Variants in ATRNL1 observed in about 807,000 individuals in gnomAD.
ATRNL1 encodes attractin like 1.
A neutral mutation model predicts 182.7 loss-of-function variants in ATRNL1; 95 were observed. The observed-to-expected ratio is 0.52, with a 90% CI of 0.44 to 0.62. The LOEUF (loss-of-function observed/expected upper bound fraction) is 0.62, where lower values mean the gene tolerates loss of function less well. Among genes scored for constraint, ATRNL1 ranks in the 20% least tolerant of loss-of-function variants. The probability of loss-of-function intolerance (pLI) is 0.00; values close to 1 mark genes in which losing one functional copy is unlikely to be tolerated. For missense variants in ATRNL1, 1,471 were observed against 1,679.5 expected, an observed-to-expected ratio of 0.88 and a Z score of 2.17; for synonymous variants, 576 against 568.3, an observed-to-expected ratio of 1.01 and a Z score of -0.19.
At chr10:115,364,509 A>G (rs1856920608) in intron 19 of ATRNL1, among the ~76,000 whole-genome samples, 1 of 147,424 alleles carries the variant, frequency 6.8e-6, no homozygotes, top group African/African-American at 2.5e-5. Flanking sequence ...AATACCCTTT[A>G]TTTCCTTCTC....
At chr10:115,396,087 G>T (rs999623283) in intron 20 of ATRNL1, among the ~76,000 whole-genome samples, 2 of 151,792 alleles carry the variant, frequency 1.3e-5, no homozygotes, top group Non-Finnish European at 2.9e-5. Context: ...TTGTTGCAGA[G>T]TTATCCTAAA....
chr10:115,161,094 ATTGT>A (rs1246159352), intron 6 of ATRNL1, among the ~76,000 whole-genome samples: 2 of 151,944 alleles, frequency 1.3e-5, no homozygotes, highest in South Asian at 2.1e-4. Flanking sequence ...TTAACAAAAA[ATTGT>A]TTGTTGTTTA....
At chr10:115,686,317 G>T (rs1189402037) in intron 26 of ATRNL1, among the ~76,000 whole-genome samples, 1 of 151,944 alleles carries the variant, frequency 6.6e-6, no homozygotes, top group Non-Finnish European at 1.5e-5. Context: ...TACAGCAAAA[G>T]ACTCTGCTTC....
At chr10:115,095,178 C>G (rs1030829901) in intron 1 of ATRNL1, among the ~76,000 whole-genome samples, 2 of 152,076 alleles carry the variant, frequency 1.3e-5, no homozygotes, top group Non-Finnish European at 2.9e-5. Flanking sequence ...CTTCTAGATA[C>G]TTAATATGAA....
intron 9 of ATRNL1, among the ~76,000 whole-genome samples, chr10:115,229,918 G>A (rs1330749134): frequency 6.6e-6 from 1 of 152,068 alleles, no homozygotes; most frequent in Non-Finnish European, 1.5e-5. Flanking sequence ...TGAATTCCCT[G>A]CCTACCTGTG....
At chr10:115,306,505 G>A (rs1156757489) in intron 17 of ATRNL1, among the ~76,000 whole-genome samples, 1 of 151,888 alleles carries the variant, frequency 6.6e-6, no homozygotes, top group East Asian at 1.9e-4. Flanking sequence ...GATTGATGTG[G>A]ATCTTTAAAA....
chr10:115,859,216 G>A lies in ATRNL1; in HGVS notation c.4018+11225G>A, dbSNP rs557788442. Among the ~76,000 whole-genome samples the A allele has an allele frequency of 1.9e-4, 29 of 152,100 alleles. No homozygotes were observed. In the South Asian group the frequency reaches 5.6e-3, roughly 29 times the overall value. On this transcript the variant is annotated intron_variant, in intron 28 of 28. Transcript: ENST00000355044. Reference sequence around the variant, plus strand: ...CTTCAATGTATGAATTTGGTAGAAGGTGGGGCACAAACATTCAGGCCATAG... The same window carrying A: ...CTTCAATGTATGAATTTGGTAGAAGATGGGGCACAAACATTCAGGCCATAG...
chr10:115,248,088 G>A lies in ATRNL1; in HGVS notation c.1687+6363G>A, dbSNP rs542242038. On this transcript the variant is annotated intron_variant, in intron 10 of 28. Transcript: ENST00000355044. ...AATACAAAATTACAGCTAGATAGGA[G>A]GAATACATTGTAGTGTTCTATACCA... Among the ~76,000 whole-genome samples, 53 of 152,226 alleles carry A rather than the reference G, an allele frequency of 3.5e-4. No homozygotes were observed. The South Asian group carries it at 5.6e-3, about 16-fold the overall frequency.
Position 115,850,285 on chromosome 10 carries a change from A to G in ATRNL1, c.4018+2294A>G, listed in dbSNP as rs1046637297. Among the ~76,000 whole-genome samples the G allele has an allele frequency of 4.6e-5, 7 of 152,336 alleles. No homozygotes were observed. The South Asian group carries it at 1.4e-3, about 32-fold the overall frequency. On this transcript the variant is annotated intron_variant, in intron 28 of 28. Transcript: ENST00000355044. ...ATATGTTTAAATATTTAATAATGAAATGTTGGGAAACAATAAAACAAAATG... is the reference window on the plus strand; with the variant it reads ...ATATGTTTAAATATTTAATAATGAAGTGTTGGGAAACAATAAAACAAAATG...
At chr10:115,499,606 A>G (rs1554979483) in intron 24 of ATRNL1, among the ~76,000 whole-genome samples, 1 of 152,200 alleles carries the variant, frequency 6.6e-6, no homozygotes, top group Non-Finnish European at 1.5e-5. Flanking sequence ...ACATTGATTC[A>G]GTCTGGAAAG....
chr10:115,621,276 TAGAGAGAGAG>T (rs1157745862), intron 26 of ATRNL1, among the ~76,000 whole-genome samples: 3 of 47,592 alleles, frequency 6.3e-5, no homozygotes, highest in African/African-American at 2.2e-4. Context: ...TATATATATA[TAGAGAGAGAG>T]AGAGAGAGAG....
intron 14 of ATRNL1, among the ~76,000 whole-genome samples, chr10:115,283,307 G>A (rs144392403): frequency 0.012 from 1,781 of 151,994 alleles, 34 homozygotes; most frequent in African/African-American, 0.04. Context: ...TCAGCTACTC[G>A]GGAGGCTGAG....
chr10:115,640,167 G>A (rs550228082), intron 26 of ATRNL1, among the ~76,000 whole-genome samples: 1 of 152,212 alleles, frequency 6.6e-6, no homozygotes, highest in East Asian at 1.9e-4. Flanking sequence ...TCTTTATCCA[G>A]TCTATCACTG....
At chr10:115,279,819 G>A (rs1852276272) in intron 13 of ATRNL1, among the ~76,000 whole-genome samples, 1 of 152,114 alleles carries the variant, frequency 6.6e-6, no homozygotes. Flanking sequence ...CAGTATTACT[G>A]TTAAAATCCC....
At chr10:115,537,744 T>C (rs1852120295) in intron 25 of ATRNL1, among the ~76,000 whole-genome samples, 1 of 152,184 alleles carries the variant, frequency 6.6e-6, no homozygotes, top group South Asian at 2.1e-4. Context: ...AAAATTTCTG[T>C]GCAGTAAAAT....
chr10:115,514,978 C>A (rs549559109), intron 24 of ATRNL1, among the ~76,000 whole-genome samples: 4 of 151,814 alleles, frequency 2.6e-5, no homozygotes, highest in Non-Finnish European at 5.9e-5. Context: ...ATTATGAGAC[C>A]AGTCCTGGAA....
intron 24 of ATRNL1, among the ~76,000 whole-genome samples, chr10:115,504,633 A>C (rs1298209246): frequency 1.3e-5 from 2 of 152,102 alleles, no homozygotes; most frequent in Non-Finnish European, 2.9e-5. Context: ...AAATACAAAG[A>C]ATGTATGCTG....
intron 26 of ATRNL1, among the ~76,000 whole-genome samples, chr10:115,563,296 A>G (rs1853868384): frequency 6.6e-6 from 1 of 152,204 alleles, no homozygotes. Context: ...TTTGCAGGTG[A>G]TAATGCTACC....
At position 115,837,466 on chromosome 10, in the gene ATRNL1, C is replaced by CCACA. The variant is rs71010052; in HGVS notation, c.3904-10353_3904-10350dup. Reference sequence around the variant, plus strand: ...CTAGTAAGCAAAGAGGCTTCCCAAGCCACACACACACACACACACACACAC... The same window carrying CCACA: ...CTAGTAAGCAAAGAGGCTTCCCAAGCCACACACACACACACACACACACACACAC... On this transcript the variant is annotated intron_variant, in intron 27 of 28. Transcript: ENST00000355044. Among the ~76,000 whole-genome samples the CCACA allele has an allele frequency of 2.5e-3, 340 of 134,992 alleles. 1 individual carries two copies. The highest frequency in any genetic ancestry group is 8.6e-3 in the African/African-American group (312 of 36,224). The allele number at this position is 134,992 out of a possible 152,430, so 88.6% of individuals were successfully genotyped here.
Sources: gnomAD v4.1 joint callset for allele counts (sites outside exome capture counted in the v4.1 genomes callset) on GRCh38, gnomAD v4.1.1 for gene constraint, MANE v1.5 for transcripts, NCBI Gene and HGNC (gene_info 2026-07-23, HGNC 2026-07-21) for gene names.